The following SUMF1 variants were observed in gnomAD, a reference collection of about 807,000 sequenced individuals.
SUMF1 encodes formylglycine-generating enzyme.
SUMF1 carries 48 observed loss-of-function variants against 47.6 expected under a neutral mutation model. That is an observed-to-expected ratio of 1.01 (90% CI 0.80 to 1.28). SUMF1 has a LOEUF of 1.28. Among genes scored for constraint, SUMF1 ranks in the 50% most tolerant of loss-of-function variants. SUMF1 has a pLI of 0.00. For synonymous variants in SUMF1, 230 were observed against 192.1 expected, an observed-to-expected ratio of 1.20 and a Z score of -1.63; for missense variants, 571 against 485.4, an observed-to-expected ratio of 1.18 and a Z score of -1.66.
intron 8 of SUMF1, among the ~76,000 whole-genome samples, chr3:4,293,401 T>A (rs13096832): frequency 7.5e-4 from 114 of 152,148 alleles, no homozygotes; most frequent in Non-Finnish European, 1.4e-3. Flanking sequence ...CTCTCCTGAG[T>A]GGCACAGGCA....
chr3:4,423,680 C>G (rs540405070), intron 3 of SUMF1, among the ~76,000 whole-genome samples: 2 of 152,144 alleles, frequency 1.3e-5, no homozygotes, highest in Admixed American at 6.5e-5. Flanking sequence ...ATATATTTAT[C>G]CCCACTCAAA....
chr3:4,125,796 C>A (rs1033636578), intron 8 of SUMF1, among the ~76,000 whole-genome samples: 7 of 152,124 alleles, frequency 4.6e-5, no homozygotes, highest in African/African-American at 1.7e-4. Flanking sequence ...TGTCTCAGCA[C>A]CCTCTGGGTA....
chr3:4,449,630 C>G (rs942816100), intron 2 of SUMF1, among the ~76,000 whole-genome samples: 1 of 152,156 alleles, frequency 6.6e-6, no homozygotes, highest in South Asian at 2.1e-4. Flanking sequence ...ATACATTTCC[C>G]CAAGTATCAC....
chr3:4,349,056 G>A (rs1699432591), intron 8 of SUMF1, among the ~76,000 whole-genome samples: 1 of 152,176 alleles, frequency 6.6e-6, no homozygotes, highest in Admixed American at 6.5e-5. Context: ...TCATCAGAGT[G>A]AACAAGCAAT....
chr3:4,239,011 A>G (rs184472144), intron 8 of SUMF1, among the ~76,000 whole-genome samples: 2 of 152,100 alleles, frequency 1.3e-5, no homozygotes, highest in Admixed American at 6.6e-5. Context: ...AGCTTTCCCA[A>G]CACCATTTAT....
chr3:4,099,174 T>G (rs1692973894), intron 8 of SUMF1, among the ~76,000 whole-genome samples: 1 of 152,106 alleles, frequency 6.6e-6, no homozygotes, highest in African/African-American at 2.4e-5. Flanking sequence ...TGATAACAGA[T>G]AGTTGTGGAC....
intron 9 of SUMF1, among the ~76,000 whole-genome samples, chr3:4,059,793 G>GT (rs1334493017): frequency 3.6e-5 from 5 of 139,550 alleles, no homozygotes; most frequent in African/African-American, 1.3e-4. Context: ...AGGTGTCCCT[G>GT]TGGAAAAAAA....
In SUMF1 at chr3:4,388,280, T is replaced by C. The variant is rs537034950; in HGVS notation, c.955-11891A>G. On this transcript the variant is annotated intron_variant, in intron 7 of 8. Transcript: ENST00000272902. ...GGGCATACACAGTATTACTATGTCC[T>C]CTTGAAGGATTAACCATTTTATCAT... Among the ~76,000 whole-genome samples, 3 of 152,240 alleles carry C rather than the reference T, an allele frequency of 2.0e-5. No individual in the cohort carries two copies. In the East Asian group the frequency reaches 5.8e-4, roughly 29 times the overall value.
intron 8 of SUMF1, among the ~76,000 whole-genome samples, chr3:4,307,134 A>C (rs1463515721): frequency 6.6e-6 from 1 of 152,234 alleles, no homozygotes; most frequent in Non-Finnish European, 1.5e-5. Flanking sequence ...AAAGGAATGA[A>C]GATTTTCACA....
At chr3:4,361,092 C>G (rs555869777), downstream of SUMF1, 1 of 152,312 alleles carries the variant, frequency 6.6e-6, no homozygotes, top group South Asian at 2.1e-4. Flanking sequence ...AAAGTCCTCT[C>G]TTTAAAAGAA....
rs544862356 is a variant in SUMF1 at position 4,045,383 on chromosome 3, CCCAT to C, written c.1191+23182_1191+23185del. On this transcript the variant is annotated intron_variant and NMD_transcript_variant, in intron 9 of 12. Transcript: ENST00000448413. ...CAATAATTCTATGTCCAACCATCCA[CCCAT>C]CCATCCATCCATCCATCCATCCATT... 2.7e-4 allele frequency among the ~76,000 whole-genome samples: 41 copies of C among 151,506 alleles called. No homozygotes were observed. In the South Asian group the frequency reaches 4.2e-3, roughly 15 times the overall value.
At chr3:4,405,604 T>C (rs1701351119) in intron 7 of SUMF1, among the ~76,000 whole-genome samples, 1 of 152,124 alleles carries the variant, frequency 6.6e-6, no homozygotes, top group Non-Finnish European at 1.5e-5. Flanking sequence ...CCCAGGCTGG[T>C]CTCAAACTCC....
Position 4,362,082 on chromosome 3 carries a change from GA to G in SUMF1, c.*61del. ...TGCATGGGATCGTTCAAAGTTCTGA[GA>G]AAAGCCCAATGTAGGTCAGACACGA... On this transcript the variant is annotated 3_prime_UTR_variant, in exon 9 of 9. Coordinates refer to ENST00000272902, the MANE Select transcript of SUMF1 (RefSeq NM_182760.4). 1 of 1,504,824 alleles carries G rather than the reference GA, an allele frequency of 6.6e-7. No individual in the cohort carries two copies. Among genetic ancestry groups the G allele is most frequent in the Non-Finnish European group, 9.2e-7 (1 of 1,083,502 alleles). 93.2% of individuals were successfully genotyped at this position (1,504,824 alleles called of 1,614,324 possible). A position where few individuals can be genotyped will look rare whatever the true frequency, so the allele number is the denominator to read the frequency against.
chr3:4,044,106 T>G (rs562989096), intron 9 of SUMF1, among the ~76,000 whole-genome samples: 82 of 152,260 alleles, frequency 5.4e-4, no homozygotes, highest in African/African-American at 1.7e-3. Flanking sequence ...TAACCTATAA[T>G]AATAGTTGTG....
At chr3:4,449,501 T>C (rs1160073439) in intron 2 of SUMF1, among the ~76,000 whole-genome samples, 161 bp from the exon 3 acceptor site, 1 of 152,370 alleles carries the variant, frequency 6.6e-6, no homozygotes, top group South Asian at 2.1e-4. Context: ...TAAAAGTCTC[T>C]GGCTTCCTCT....
At chr3:4,277,607 A>G (rs1225134921) in intron 8 of SUMF1, among the ~76,000 whole-genome samples, 1 of 152,144 alleles carries the variant, frequency 6.6e-6, no homozygotes. Flanking sequence ...ATTAAACTCA[A>G]AATGAAAAAC....
At chr3:4,088,411 A>G (rs939835072) in intron 8 of SUMF1, among the ~76,000 whole-genome samples, 1 of 152,082 alleles carries the variant, frequency 6.6e-6, no homozygotes, top group African/African-American at 2.4e-5. Context: ...GTGAACAACT[A>G]TTATGCACCT....
At chr3:4,435,585 G>A (rs1362055094) in intron 3 of SUMF1, among the ~76,000 whole-genome samples, 1 of 152,104 alleles carries the variant, frequency 6.6e-6, no homozygotes, top group Non-Finnish European at 1.5e-5. Flanking sequence ...AAGAAAACAT[G>A]TCCAAATGCA....
At chr3:4,280,387 G>C (rs1269638371) in intron 8 of SUMF1, among the ~76,000 whole-genome samples, 10 of 152,046 alleles carry the variant, frequency 6.6e-5, no homozygotes, top group African/African-American at 2.4e-4. Flanking sequence ...GGAATTCAAA[G>C]ATGAAAAGTG....
Sources: allele counts gnomAD v4.1 joint callset (sites outside exome capture counted in the v4.1 genomes callset), GRCh38; gene constraint gnomAD v4.1.1; transcripts MANE v1.5; gene names NCBI Gene and HGNC (gene_info 2026-07-23, HGNC 2026-07-21).